CELF2: variants seen among roughly 807,000 people sequenced by gnomAD.
CELF2 encodes CUGBP Elav-like family member 2.
A neutral mutation model predicts 62.6 loss-of-function variants in CELF2; 8 were observed. The ratio of observed to expected loss-of-function variants is 0.13; its 90% confidence interval spans 0.07 to 0.23. The LOEUF is 0.23. Ranked by LOEUF, CELF2 falls within the 10% of genes least tolerant of loss-of-function variation. The probability of loss-of-function intolerance (pLI) is 1.00; values close to 1 mark genes in which losing one functional copy is unlikely to be tolerated. For missense variants in CELF2, 333 were observed against 671.0 expected (o/e 0.50, Z 5.56); for synonymous variants, 258 against 250.0 (o/e 1.03, Z -0.30).
intron 11 of CELF2, among the ~76,000 whole-genome samples, chr10:11,323,307 T>C (rs1001498682): frequency 6.6e-6 from 1 of 152,046 alleles, no homozygotes; most frequent in Non-Finnish European, 1.5e-5. Flanking sequence ...CACCTTGTCA[T>C]AACTCTCTTC....
At chr10:10,696,036 T>A in the CELF2 span, among the ~76,000 whole-genome samples, 2 of 151,972 alleles carry the variant, frequency 1.3e-5, no homozygotes, top group Admixed American at 6.5e-5. Flanking sequence ...CCAGCTTTGT[T>A]CCGTTGCTGG....
At chr10:10,907,768 G>A (rs922295253) in intron 1 of CELF2, among the ~76,000 whole-genome samples, 4 of 152,074 alleles carry the variant, frequency 2.6e-5, no homozygotes, top group Admixed American at 2.0e-4. Context: ...GAAAAAAGAC[G>A]TATTGGAGAT....
chr10:10,882,143 A>T (rs562234522), intron 1 of CELF2, among the ~76,000 whole-genome samples: 1 of 152,350 alleles, frequency 6.6e-6, no homozygotes, highest in South Asian at 2.1e-4. Flanking sequence ...AACATTGTTT[A>T]GACTGCTATT....
chr10:11,291,411 C>A (rs78230629), intron 9 of CELF2, among the ~76,000 whole-genome samples: 2,467 of 152,090 alleles, frequency 0.016, 68 homozygotes, highest in African/African-American at 0.056. Context: ...AAAAAAAAAT[C>A]CCCTCAGGCA....
intron 2 of CELF2, among the ~76,000 whole-genome samples, chr10:10,963,671 G>C (rs911317446): frequency 1.2e-4 from 19 of 152,196 alleles, no homozygotes; most frequent in Non-Finnish European, 1.9e-4. Context: ...TATATAAAAT[G>C]ATAAAGCAGC....
intron 1 of CELF2, among the ~76,000 whole-genome samples, chr10:10,876,645 G>A (rs2061114148): frequency 6.6e-6 from 1 of 152,150 alleles, no homozygotes. Context: ...ACGTCAAAAT[G>A]CCTCTTTACT....
rs1201852140 is a variant in CELF2, at chr10:11,331,426, T to TTAGATGTGTTTG, written c.*2375_*2386dup. ...GTCATTTTTTTTAATTGTGGACTAT[T>TTAGATGTGTTTG]TAGATGTGTTTGTGTTCAGCAAAAT... On this transcript the variant is annotated 3_prime_UTR_variant, in exon 13 of 13. Transcript: ENST00000633077. 6.8e-6 allele frequency: 1 copy of TTAGATGTGTTTG among 147,484 alleles called. No individual in the cohort carries two copies. The highest frequency in any genetic ancestry group is 2.0e-4 in the East Asian group (1 of 5,056). The allele number at this position is 147,484 out of a possible 1,614,324, so 9.1% of individuals were successfully genotyped here.
intron 2 of CELF2, among the ~76,000 whole-genome samples, chr10:11,200,199 G>A (rs902285171): frequency 2.0e-5 from 3 of 152,142 alleles, no homozygotes; most frequent in Non-Finnish European, 2.9e-5. Context: ...GAACCAGTTC[G>A]CCCACATGAT....
intron 3 of CELF2, among the ~76,000 whole-genome samples, chr10:11,233,417 G>C (rs555731910): frequency 6.6e-6 from 1 of 152,140 alleles, no homozygotes; most frequent in South Asian, 2.1e-4. Flanking sequence ...CTCACGCCGC[G>C]TGATTTCTTT....
At chr10:11,119,493 G>A (rs932325204) in intron 1 of CELF2, among the ~76,000 whole-genome samples, 2 of 152,156 alleles carry the variant, frequency 1.3e-5, no homozygotes, top group African/African-American at 4.8e-5. Context: ...GTTTTCTCTA[G>A]CATAGGCTTA....
At chr10:10,964,086 G>T (rs1192419918) in intron 2 of CELF2, among the ~76,000 whole-genome samples, 1 of 152,116 alleles carries the variant, frequency 6.6e-6, no homozygotes, top group Non-Finnish European at 1.5e-5. Flanking sequence ...TATAAAGCAT[G>T]GTCAATTAAA....
chr10:10,550,608 A>C, the CELF2 span, among the ~76,000 whole-genome samples: 1 of 151,996 alleles, frequency 6.6e-6, no homozygotes, highest in South Asian at 2.1e-4. Flanking sequence ...TCTTGCAATG[A>C]GTTGATGCTG....
At chr10:10,567,615 G>A in the CELF2 span, among the ~76,000 whole-genome samples, 16,533 of 152,150 alleles carry the variant, frequency 0.11, 969 homozygotes, top group Middle Eastern at 0.2. Flanking sequence ...GTTCAAGCCT[G>A]TATATCTCCT....
intron 1 of CELF2, among the ~76,000 whole-genome samples, chr10:10,808,969 C>G (rs1314066989): frequency 6.6e-6 from 1 of 152,136 alleles, no homozygotes; most frequent in African/African-American, 2.4e-5. Context: ...CTTAGCAAGT[C>G]TTGACATTTA....
the CELF2 span, among the ~76,000 whole-genome samples, chr10:10,709,433 A>G: frequency 1.3e-5 from 2 of 151,976 alleles, no homozygotes; most frequent in Non-Finnish European, 1.5e-5. Flanking sequence ...CTTCCTCCCC[A>G]CGCCCACCCT....
At position 11,319,983 on chromosome 10, in the gene CELF2, C is replaced by T. The variant is rs1200790939; in HGVS notation, c.1097-1206C>T. 5 of 392,544 alleles carry T rather than the reference C, an allele frequency of 1.3e-5. No individual in the cohort carries two copies. Among genetic ancestry groups the T allele is most frequent in the East Asian group, 7.6e-5 (1 of 13,094 alleles). The allele number at this position is 392,544 out of a possible 1,614,324, so 24.3% of individuals were successfully genotyped here. On this transcript the variant is annotated intron_variant, in intron 10 of 12. Transcript: ENST00000633077. This position sits in a 1 kb window ranked among gnomAD's most constrained non-coding sequence, Gnocchi z 4.4. The stretch of plus-strand genomic sequence containing the variant: ...TCCTCCATTCTCATTAGACTTCTTA[C>T]CTATTTTTTCAGTTAGCCATCCTTG...
At chr10:10,728,718 C>G in the CELF2 span, among the ~76,000 whole-genome samples, 9 of 152,252 alleles carry the variant, frequency 5.9e-5, no homozygotes, top group East Asian at 1.7e-3. Context: ...TCACCTGTCT[C>G]TGGTATACAG....
intron 2 of CELF2, among the ~76,000 whole-genome samples, chr10:10,964,620 T>G (rs2049917393): frequency 6.6e-6 from 1 of 152,220 alleles, no homozygotes; most frequent in Non-Finnish European, 1.5e-5. Flanking sequence ...GAAGAAAGCC[T>G]GGGGCTTTTG....
chr10:11,257,572 G>C (rs1408897945), intron 4 of CELF2, 166 bp from the exon 5 acceptor site: 3 of 629,310 alleles, frequency 4.8e-6, no homozygotes, highest in African/African-American at 1.8e-5. Flanking sequence ...GAGTGGCAGG[G>C]TGGGGCGCAT....
Sources: gnomAD v4.1 joint callset for allele counts (sites outside exome capture counted in the v4.1 genomes callset) on GRCh38, gnomAD v4.1.1 for gene constraint, Gnocchi (gnomAD v3.1) non-coding constraint, MANE v1.5 for transcripts, NCBI Gene and HGNC (gene_info 2026-07-23, HGNC 2026-07-21) for gene names.